Variants in VPS39 observed in about 807,000 individuals in gnomAD.
VPS39 encodes VPS39 subunit of HOPS complex.
VPS39 carries 70 observed loss-of-function variants against 121.0 expected under a neutral mutation model. That is an observed-to-expected ratio of 0.58 (90% CI 0.48 to 0.71). The LOEUF (loss-of-function observed/expected upper bound fraction) is 0.71. Among genes scored for constraint, VPS39 ranks in the 30% least tolerant of loss-of-function variants. The pLI is 0.00. For missense variants in VPS39, 818 were observed against 1,051.5 expected (o/e 0.78, Z 3.07); for synonymous variants, 378 against 398.1 (o/e 0.95, Z 0.60).
At chr15:42,186,154 T>C (rs1320543632) in intron 7 of VPS39, among the ~76,000 whole-genome samples, 2 of 151,508 alleles carry the variant, frequency 1.3e-5, no homozygotes, top group Non-Finnish European at 2.9e-5. Context: ...AAGATAACAA[T>C]GGGGCCAGGC....
At position 42,173,782 on chromosome 15, in the gene VPS39, T is replaced by C; in HGVS notation, c.1031A>G (p.Asn344Ser). ...ATCAAAACGCTTCTGGCAGAAGAGG[T>C]TGAAGGCATACAAGTTCTTGATGTG... ...IHHIKNLYAF[N>S]LFCQKRFDES... Residue 344 changes from asparagine to serine, a missense_variant, in exon 11 of 25, where the codon AAC becomes AGC. By Grantham distance (46) the Asn-to-Ser change is conservative. Transcript: ENST00000318006. The C allele has an allele frequency of 6.2e-7, 1 of 1,614,176 alleles. No individual in the cohort carries two copies. The highest frequency in any genetic ancestry group is 8.5e-7 in the Non-Finnish European group (1 of 1,180,016).
chr15:42,162,161 G>A lies in VPS39; in HGVS notation c.2331C>T (p.Leu777=), dbSNP rs1232489477. 1 of 1,614,094 alleles carries A rather than the reference G, an allele frequency of 6.2e-7. No individual in the cohort carries two copies. The highest frequency in any genetic ancestry group is 8.5e-7 in the Non-Finnish European group (1 of 1,180,054). Residue 777 remains leucine (L), a synonymous_variant, in exon 23 of 25, where the codon CTC becomes CTT. Coordinates refer to ENST00000318006, the MANE Select transcript of VPS39 (RefSeq NM_015289.5). ...HHSKLDTTKA[L]NLLPANTQIN... is the part of the protein sequence containing the mutation. ...TCTGAGTGTTTGCTGGCAGAAGGTT[G>A]AGGGCCTAGGGACAGGAACAGAGAT...
At chr15:42,196,623 G>A (rs1252495395) in intron 2 of VPS39, among the ~76,000 whole-genome samples, 2 of 152,164 alleles carry the variant, frequency 1.3e-5, no homozygotes, top group Non-Finnish European at 2.9e-5. Context: ...ACCACAATGA[G>A]ATACCATCTC....
chr15:42,201,460 CG>C (rs1224750145), intron 1 of VPS39, among the ~76,000 whole-genome samples: 1 of 152,166 alleles, frequency 6.6e-6, no homozygotes, highest in Non-Finnish European at 1.5e-5. Context: ...CAGGGGTGAG[CG>C]ACTGTGCCCA....
intron 10 of VPS39, among the ~76,000 whole-genome samples, chr15:42,176,600 A>C (rs2049456820): frequency 7.5e-6 from 1 of 133,318 alleles, no homozygotes; most frequent in Non-Finnish European, 1.5e-5. Flanking sequence ...CATGAGTAGA[A>C]AAAAAAACAG....
At chr15:42,191,447 G>C (rs750835922) in intron 3 of VPS39, 49 bp downstream of exon 3, 28 of 1,548,874 alleles carry the variant, frequency 1.8e-5, no homozygotes, top group Non-Finnish European at 1.9e-5. Context: ...AGTCTGACAG[G>C]GTCTCATGTA....
chr15:42,160,773 A>C lies in VPS39; in HGVS notation c.2609T>G (p.Val870Gly). 6.2e-7 allele frequency: 1 copy of C among 1,614,142 alleles called. No individual in the cohort carries two copies. The highest frequency in any genetic ancestry group is 8.5e-7 in the Non-Finnish European group (1 of 1,180,002). Residue 870 changes from valine to glycine, a missense_variant, in exon 25 of 25, where the codon GTA becomes GGA. Physicochemically the swap from Val to Gly is moderately radical, Grantham distance 109. Transcript: ENST00000318006. ...VVVHYFCSKE[V>G]NPADT ...CTGGGCTCAAGTGTCAGCTGGGTTT[A>C]CCTCTTTGGAACAGAAGTAATGGAC...
chr15:42,181,529 AGGT>A (rs2049580331), intron 8 of VPS39, among the ~76,000 whole-genome samples: 1 of 152,210 alleles, frequency 6.6e-6, no homozygotes, highest in African/African-American at 2.4e-5. Context: ...AAAATGGTTC[AGGT>A]GGTAAATTGT....
chr15:42,169,656 C>A (rs560478490), intron 12 of VPS39, 68 bp downstream of exon 12: 1 of 1,501,298 alleles, frequency 6.7e-7, no homozygotes, highest in Non-Finnish European at 9.0e-7. Context: ...CCCTCAATTC[C>A]TTGCCACAAA....
intron 12 of VPS39, among the ~76,000 whole-genome samples, chr15:42,169,001 A>G (rs55776176): frequency 6.6e-6 from 1 of 152,388 alleles, no homozygotes; most frequent in Non-Finnish European, 1.5e-5. Flanking sequence ...TCTAGGGTTA[A>G]GAGACTTTAA....
chr15:42,170,741 ATTTTTTTTTTTT>A (rs869280235), intron 11 of VPS39, among the ~76,000 whole-genome samples: 795 of 50,508 alleles, frequency 0.016, 13 homozygotes, highest in Middle Eastern at 0.062. Context: ...ATGCTCGCAG[ATTTTTTTTTTTT>A]TTTTTTTTTT....
intron 5 of VPS39, 118 bp downstream of exon 5, chr15:42,188,996 G>C: frequency 1.4e-6 from 1 of 720,524 alleles, no homozygotes. Context: ...AATAATCTTT[G>C]GAGTCTCTGT....
In VPS39 at chr15:42,166,180, G is replaced by C; in HGVS notation, c.1659C>G (p.Asp553Glu). Residue 553 changes from aspartate (D) to glutamate (E), a missense_variant, in exon 16 of 25, where the codon GAC (aspartate) becomes GAG (glutamate). Physicochemically the swap from Asp to Glu is conservative, Grantham distance 45. Transcript: ENST00000318006. ...TCACCTTCAGGCCATCTTCTGGGAA[G>C]TCTCTCAGCACCCACACTGAGTAGG... ...IFSYSVWVLR[D>E]FPEDGLKIFT... is the part of the protein sequence containing the mutation. The C allele has an allele frequency of 1.2e-6, 2 of 1,614,220 alleles. No individual in the cohort carries two copies. The highest frequency in any genetic ancestry group is 1.7e-6 in the Non-Finnish European group (2 of 1,180,024).
intron 6 of VPS39, 44 bp downstream of exon 6, chr15:42,187,701 AACCGAGCCACTGC>A: frequency 6.6e-7 from 1 of 1,504,572 alleles, no homozygotes; most frequent in Admixed American, 1.7e-5. Context: ...ACTTCACTAG[AACCGAGCCACTGC>A]AGCAGCTCCC....
At chr15:42,187,902 T>C (rs368044825) in intron 5 of VPS39, 46 bp from the exon 6 acceptor site, 1 of 1,543,354 alleles carries the variant, frequency 6.5e-7, no homozygotes, top group African/African-American at 1.4e-5. Flanking sequence ...TGACTCTCTC[T>C]AACTGAGTGA....
intron 2 of VPS39, among the ~76,000 whole-genome samples, chr15:42,197,679 A>G (rs1268302148): frequency 6.6e-6 from 1 of 152,252 alleles, no homozygotes; most frequent in African/African-American, 2.4e-5. Context: ...TCAGAGGATA[A>G]AAATGTCACT....
intron 10 of VPS39, among the ~76,000 whole-genome samples, chr15:42,177,508 G>A (rs900278473): frequency 1.3e-5 from 2 of 152,058 alleles, no homozygotes; most frequent in Non-Finnish European, 2.9e-5. Context: ...TCCAAACATA[G>A]GAGTCTACTG....
At chr15:42,163,774 G>A in intron 19 of VPS39, 46 bp from the exon 20 acceptor site, 2 of 1,411,420 alleles carry the variant, frequency 1.4e-6, no homozygotes, top group East Asian at 2.4e-5. Flanking sequence ...CATCACGCAA[G>A]CACAAGGTGG....
intron 7 of VPS39, among the ~76,000 whole-genome samples, chr15:42,186,256 A>AC (rs1181438881): frequency 6.8e-6 from 1 of 147,682 alleles, no homozygotes; most frequent in Non-Finnish European, 1.5e-5. Flanking sequence ...ACATATTGTG[A>AC]CCCCATCTCT....
Sources: gnomAD v4.1 joint callset for allele counts (sites outside exome capture counted in the v4.1 genomes callset) on GRCh38, gnomAD v4.1.1 for gene constraint, MANE v1.5 for transcripts, NCBI Gene and HGNC (gene_info 2026-07-23, HGNC 2026-07-21) for gene names.